PLAGL1: variants seen among roughly 807,000 people sequenced by gnomAD.
PLAGL1 encodes PLAG1 like zinc finger 1.
Under a neutral mutation model 4.6 loss-of-function variants are expected in PLAGL1, and 1 was observed. The observed-to-expected ratio is 0.22, with a 90% CI of 0.08 to 1.03. The LOEUF (loss-of-function observed/expected upper bound fraction) is 1.03. PLAGL1 is among the 50% of genes least tolerant of loss of function. The probability of loss-of-function intolerance (pLI) is 0.58; values close to 1 mark genes in which losing one functional copy is unlikely to be tolerated. For missense variants in PLAGL1, 464 were observed against 570.4 expected, an observed-to-expected ratio of 0.81 and a Z score of 1.90; for synonymous variants, 240 against 237.8, an observed-to-expected ratio of 1.01 and a Z score of -0.08.
chr6:144,054,662 C>G (rs1583902865), intron 1 of PLAGL1, among the ~76,000 whole-genome samples: 1 of 147,840 alleles, frequency 6.8e-6, no homozygotes, highest in South Asian at 2.1e-4. Context: ...GGCTTAAAAC[C>G]TAGATGACGG....
intron 1 of PLAGL1, among the ~76,000 whole-genome samples, chr6:144,049,487 G>A (rs1489100815): frequency 1.3e-5 from 2 of 152,238 alleles, no homozygotes; most frequent in Non-Finnish European, 2.9e-5. Flanking sequence ...CACGGCTAGG[G>A]AGGCATCAGG....
chr6:144,006,776 T>G lies in PLAGL1; in HGVS notation c.-584+1314A>C, dbSNP rs956054712. On this transcript the variant is annotated intron_variant, in intron 1 of 7. Coordinates refer to ENST00000674357, the MANE Select transcript of PLAGL1 (RefSeq NM_001317162.2). The surrounding 1 kb of genome is among the most constrained non-coding windows in gnomAD (Gnocchi z 4.3). ...GTCTGCTTGTGGACATGTATTAAAA[T>G]TTATCTAGGGCAGTGGCTTTCAAAC... 1 of 152,138 alleles carries G rather than the reference T, an allele frequency of 6.6e-6. No individual in the cohort carries two copies. The highest frequency in any genetic ancestry group is 1.5e-5 in the Non-Finnish European group (1 of 68,030). The allele number at this position is 152,138 out of a possible 1,614,324, so 9.4% of individuals were successfully genotyped here.
chr6:143,986,828 C>G (rs1026003951), intron 1 of PLAGL1, among the ~76,000 whole-genome samples: 4 of 152,094 alleles, frequency 2.6e-5, no homozygotes, highest in Admixed American at 6.5e-5. Context: ...CCCCAAATAC[C>G]CTGGCGAGGC....
At chr6:144,001,060 C>T (rs1490144123) in intron 1 of PLAGL1, among the ~76,000 whole-genome samples, 1 of 151,960 alleles carries the variant, frequency 6.6e-6, no homozygotes, top group Non-Finnish European at 1.5e-5. Context: ...CTAATACCAT[C>T]CTCCAATAAA....
rs1790307942 is a variant in PLAGL1, at chr6:143,990,776, C to T, written c.-583-5602G>A. Among the ~76,000 whole-genome samples, 1 of 152,196 alleles carries T rather than the reference C, an allele frequency of 6.6e-6. No individual in the cohort carries two copies. Among genetic ancestry groups the T allele is most frequent in the Admixed American group, 6.5e-5 (1 of 15,274 alleles). ...CAGGATATTAAAGACTTCATCTTCCCGGGACCCAACCCCTCTTTCCTCCCT... is the reference window on the plus strand; with the variant it reads ...CAGGATATTAAAGACTTCATCTTCCTGGGACCCAACCCCTCTTTCCTCCCT... On this transcript the variant is annotated intron_variant, in intron 1 of 7. Transcript: ENST00000674357. This position sits in a 1 kb window ranked among gnomAD's most constrained non-coding sequence, Gnocchi z 5.4.
In PLAGL1 at chr6:143,969,656, C is replaced by T. The variant is rs537979202; in HGVS notation, c.-543-678G>A. Among the ~76,000 whole-genome samples the T allele has an allele frequency of 2.6e-4, 39 of 151,670 alleles. 1 individual carries two copies. The highest frequency in any genetic ancestry group is 6.8e-3 in the Middle Eastern group (2 of 292). ...AAAAATTTTTTTTTTAAGTCAGAAC[C>T]TTTTTAAGAGCGTCAACTAAGAAGA... On this transcript the variant is annotated intron_variant, in intron 2 of 7. Transcript: ENST00000674357.
At position 144,043,297 on chromosome 6, in the gene PLAGL1, T is replaced by C. The variant is rs557136180; in HGVS notation, c.-151+21171A>G. 6.6e-5 allele frequency among the ~76,000 whole-genome samples: 10 copies of C among 152,374 alleles called. No individual in the cohort carries two copies. In the South Asian group the frequency reaches 8.3e-4, roughly 13 times the overall value. ...TCCAGTTTTTGCCCATTCAGTATGA[T>C]ATTGGCTGTGGGTTTGTCATAAATA... On this transcript the variant is annotated intron_variant, in intron 1 of 3. Transcript: ENST00000437412.
rs77045334 is a variant in PLAGL1, at chr6:144,001,976, G to A, written c.-584+6114C>T. On this transcript the variant is annotated intron_variant, in intron 1 of 7. Transcript: ENST00000674357. ...GAAAACTAAACACCATGTGGTATATGGGGTGGATCCTGAAATTAAAAAAAA... is the reference window on the plus strand; with the variant it reads ...GAAAACTAAACACCATGTGGTATATAGGGTGGATCCTGAAATTAAAAAAAA... 6.5e-4 allele frequency among the ~76,000 whole-genome samples: 99 copies of A among 152,126 alleles called. No homozygotes were observed. The East Asian group carries it at 0.015, about 24-fold the overall frequency.
At chr6:144,030,383 T>A (rs947098618) in intron 1 of PLAGL1, among the ~76,000 whole-genome samples, 2 of 151,740 alleles carry the variant, frequency 1.3e-5, no homozygotes, top group Admixed American at 6.6e-5. Context: ...GGGGAGCAGG[T>A]GGTGTTTGGT....
rs1158888665 is a variant in PLAGL1, at chr6:143,948,651, G to A, written c.-324-191C>T. 6.6e-6 allele frequency among the ~76,000 whole-genome samples: 1 copy of A among 152,200 alleles called. No homozygotes were observed. The highest frequency in any genetic ancestry group is 1.5e-5 in the Non-Finnish European group (1 of 68,042). On this transcript the variant is annotated intron_variant, in intron 6 of 7. Transcript: ENST00000674357. The surrounding 1 kb of genome is among the most constrained non-coding windows in gnomAD (Gnocchi z 6.0). The stretch of plus-strand genomic sequence containing the variant: ...CTTTTGGCTTCTCAGAGGGTGAGGA[G>A]TCAAGCACTGATGGCCAGTGGAGCA...
chr6:144,001,060 C>G (rs1490144123), intron 1 of PLAGL1, among the ~76,000 whole-genome samples: 1 of 152,078 alleles, frequency 6.6e-6, no homozygotes, highest in South Asian at 2.1e-4. Context: ...CTAATACCAT[C>G]CTCCAATAAA....
rs913725206 is a variant in PLAGL1 at position 143,989,248 on chromosome 6, A to G, written c.-583-4074T>C. Among the ~76,000 whole-genome samples the G allele has an allele frequency of 2.0e-5, 3 of 152,230 alleles. No homozygotes were observed. Among genetic ancestry groups the G allele is most frequent in the African/African-American group, 7.2e-5 (3 of 41,450 alleles). ...GTAGAAATGCAGGGAGGACTCAGAG[A>G]TGAGTTCTCATCCCTGGAGAGTGTG... On this transcript the variant is annotated intron_variant, in intron 1 of 7. Coordinates refer to ENST00000674357, the MANE Select transcript of PLAGL1 (RefSeq NM_001317162.2). The surrounding 1 kb of genome is among the most constrained non-coding windows in gnomAD (Gnocchi z 4.8).
Position 144,036,657 on chromosome 6 carries a change from G to A in PLAGL1, c.-151+27811C>T. 4.8e-6 allele frequency: 1 copy of A among 210,370 alleles called. No individual in the cohort carries two copies. The highest frequency in any genetic ancestry group is 9.6e-6 in the Non-Finnish European group (1 of 104,694). 13.0% of individuals were successfully genotyped at this position (210,370 alleles called of 1,614,324 possible). ...TTCAGAATAGCTTTTTGTTTTGTTT[G>A]TTTTAACTTGTGAGGCTTCTTCACT... is the stretch of plus-strand genomic sequence containing the variant. On this transcript the variant is annotated intron_variant, in intron 1 of 3. Coordinates refer to the PLAGL1 transcript ENST00000437412. This position sits in a 1 kb window ranked among gnomAD's most constrained non-coding sequence, Gnocchi z 5.1.
chr6:143,996,763 A>C (rs1791712303), intron 1 of PLAGL1, among the ~76,000 whole-genome samples: 1 of 152,118 alleles, frequency 6.6e-6, no homozygotes, highest in South Asian at 2.1e-4. Context: ...GATTTTCAAC[A>C]AGGGCACCAT....
intron 1 of PLAGL1, among the ~76,000 whole-genome samples, chr6:144,014,304 C>A (rs1375415540): frequency 6.6e-6 from 1 of 152,012 alleles, no homozygotes; most frequent in Admixed American, 6.5e-5. Flanking sequence ...GTGGTGCACA[C>A]CTGTAATCCC....
Position 143,940,387 on chromosome 6 carries a change from G to A in PLAGL1, c.*1037C>T, listed in dbSNP as rs537706046. 2 of 152,284 alleles carry A rather than the reference G, an allele frequency of 1.3e-5. No homozygotes were observed. The highest frequency in any genetic ancestry group is 4.1e-4 in the South Asian group (2 of 4,832). The allele number at this position is 152,284 out of a possible 1,614,324, so 9.4% of individuals were successfully genotyped here. A position where few individuals can be genotyped will look rare whatever the true frequency, so the allele number is the denominator to read the frequency against. On this transcript the variant is annotated 3_prime_UTR_variant, in exon 8 of 8. Transcript: ENST00000674357. ...ATAAGACAATGGAGCTTTAAAAAAG[G>A]TTAGGTTTTACATCTTTAAAACTCA...
Position 143,940,575 on chromosome 6 carries a change from CAG to C in PLAGL1, c.*847_*848del, listed in dbSNP as rs1778368706. The C allele has an allele frequency of 6.6e-6, 1 of 152,312 alleles. No individual in the cohort carries two copies. Among genetic ancestry groups the C allele is most frequent in the Non-Finnish European group, 1.5e-5 (1 of 68,018 alleles). The allele number at this position is 152,312 out of a possible 1,614,324, so 9.4% of individuals were successfully genotyped here. ...AGCTTGAGTAGTAGTTTAAGCTAGACAGAGCAAAGAAAATTCTTGTTTAATAT... is the reference window on the plus strand; with the variant it reads ...AGCTTGAGTAGTAGTTTAAGCTAGACAGCAAAGAAAATTCTTGTTTAATAT... On this transcript the variant is annotated 3_prime_UTR_variant, in exon 8 of 8. Coordinates refer to ENST00000674357, the MANE Select transcript of PLAGL1 (RefSeq NM_001317162.2).
intron 1 of PLAGL1, among the ~76,000 whole-genome samples, chr6:144,038,106 T>C (rs1390458095): frequency 3.9e-5 from 6 of 152,152 alleles, no homozygotes; most frequent in Non-Finnish European, 5.9e-5. Context: ...TTTGACAAAA[T>C]AATGGCTGAA....
Position 143,959,041 on chromosome 6 carries a change from T to G in PLAGL1, c.-325+1428A>C, listed in dbSNP as rs1782781855. Among the ~76,000 whole-genome samples, 1 of 152,218 alleles carries G rather than the reference T, an allele frequency of 6.6e-6. No individual in the cohort carries two copies. Among genetic ancestry groups the G allele is most frequent in the Non-Finnish European group, 1.5e-5 (1 of 68,030 alleles). ...CTGTCCTTGCAATCCACATGTGTGG[T>G]CCATCCCCCAGCTCATCCGCAGGCA... On this transcript the variant is annotated intron_variant, in intron 6 of 7. Coordinates refer to ENST00000674357, the MANE Select transcript of PLAGL1 (RefSeq NM_001317162.2). This position sits in a 1 kb window ranked among gnomAD's most constrained non-coding sequence, Gnocchi z 5.3.
Sources: allele counts gnomAD v4.1 joint callset (sites outside exome capture counted in the v4.1 genomes callset), GRCh38; gene constraint gnomAD v4.1.1; non-coding constraint Gnocchi (gnomAD v3.1); transcripts MANE v1.5; gene names NCBI Gene and HGNC (gene_info 2026-07-23, HGNC 2026-07-21).